The following SDK1 variants were observed in gnomAD, a reference collection of about 807,000 sequenced individuals.
SDK1 encodes sidekick cell adhesion molecule 1.
Under a neutral mutation model 245.5 loss-of-function variants are expected in SDK1, and 157 were observed. The observed-to-expected ratio is 0.64, with a 90% CI of 0.56 to 0.73. SDK1 has a LOEUF of 0.73. SDK1 is among the 30% of genes least tolerant of loss of function. The pLI is 0.00. For missense variants in SDK1, 3,583 were observed against 3,002.3 expected, an observed-to-expected ratio of 1.19 and a Z score of -4.52; for synonymous variants, 1,647 against 1,278.5, an observed-to-expected ratio of 1.29 and a Z score of -6.15.
At chr7:4,240,813 G>T (rs1234857922) in intron 42 of SDK1, among the ~76,000 whole-genome samples, 1 of 152,130 alleles carries the variant, frequency 6.6e-6, no homozygotes, top group African/African-American at 2.4e-5. Context: ...GCTGTGATCT[G>T]CAGGAAGGGG....
chr7:3,357,704 C>G (rs1780842968), intron 1 of SDK1, among the ~76,000 whole-genome samples: 1 of 152,006 alleles, frequency 6.6e-6, no homozygotes, highest in Admixed American at 6.6e-5. Flanking sequence ...CTGTCTAGGC[C>G]CTCACATCCC....
chr7:3,333,540 C>T (rs1780122642), intron 1 of SDK1, among the ~76,000 whole-genome samples: 2 of 152,172 alleles, frequency 1.3e-5, no homozygotes, highest in Non-Finnish European at 1.5e-5. Context: ...CTTTCACACT[C>T]AGCCTGGATT....
chr7:3,744,121 C>T (rs988682657), intron 4 of SDK1, among the ~76,000 whole-genome samples: 6 of 152,088 alleles, frequency 3.9e-5, no homozygotes, highest in Admixed American at 3.9e-4. Context: ...GCTTGCTGTT[C>T]ATCTGCCTTG....
chr7:4,245,835 G>A (rs749801863), intron 44 of SDK1, 30 bp downstream of exon 44: 3 of 1,612,770 alleles, frequency 1.9e-6, no homozygotes. Flanking sequence ...TCCGGGCAGT[G>A]ACCATCAGCC....
intron 14 of SDK1, among the ~76,000 whole-genome samples, chr7:4,001,080 C>T (rs1440570996): frequency 6.6e-6 from 1 of 152,178 alleles, no homozygotes; most frequent in Non-Finnish European, 1.5e-5. Context: ...TCCTCTGGCC[C>T]AGGCTGTCCC....
chr7:4,176,888 C>G (rs1782248048), intron 34 of SDK1, among the ~76,000 whole-genome samples: 1 of 152,212 alleles, frequency 6.6e-6, no homozygotes, highest in Non-Finnish European at 1.5e-5. Context: ...CTCCCTTCAC[C>G]CTTTCAATAA....
At chr7:4,182,724 G>A (rs1432248316) in intron 35 of SDK1, among the ~76,000 whole-genome samples, 2 of 152,198 alleles carry the variant, frequency 1.3e-5, no homozygotes, top group African/African-American at 4.8e-5. Context: ...CTTTCCATGG[G>A]GCTCCTTCCT....
chr7:3,853,698 C>G (rs1050463085), intron 5 of SDK1, among the ~76,000 whole-genome samples: 1 of 152,020 alleles, frequency 6.6e-6, no homozygotes, highest in African/African-American at 2.4e-5. Context: ...GCTCAAAAAG[C>G]TTTGGATTTT....
At chr7:3,873,007 A>G (rs945317606) in intron 5 of SDK1, among the ~76,000 whole-genome samples, 13 of 152,258 alleles carry the variant, frequency 8.5e-5, no homozygotes, top group African/African-American at 2.2e-4. Flanking sequence ...AAATAATTTT[A>G]ATTTACCTTC....
At chr7:4,208,688 C>T (rs902657595) in intron 37 of SDK1, among the ~76,000 whole-genome samples, 3 of 152,308 alleles carry the variant, frequency 2.0e-5, no homozygotes, top group East Asian at 1.9e-4. Flanking sequence ...GTAGGCTCCT[C>T]GGGCAGTAAA....
intron 14 of SDK1, among the ~76,000 whole-genome samples, chr7:3,988,132 G>GTTTTTTTTT (rs71032919): frequency 1.2e-5 from 1 of 85,422 alleles, no homozygotes; most frequent in Non-Finnish European, 2.2e-5. Flanking sequence ...TCTTTTTAAT[G>GTTTTTTTTT]TTTTTTTTTT....
At chr7:4,243,036 G>A (rs1786628896) in intron 43 of SDK1, among the ~76,000 whole-genome samples, 1 of 152,174 alleles carries the variant, frequency 6.6e-6, no homozygotes, top group Non-Finnish European at 1.5e-5. Context: ...CATTTCATTT[G>A]TCTACTGGGA....
At chr7:3,559,125 G>A (rs1214798060) in intron 1 of SDK1, among the ~76,000 whole-genome samples, 20 of 152,150 alleles carry the variant, frequency 1.3e-4, no homozygotes, top group Non-Finnish European at 4.4e-5. Flanking sequence ...CCATTAGTGT[G>A]TAAGTCAGAT....
chr7:4,165,215 C>T (rs573018860), intron 32 of SDK1, among the ~76,000 whole-genome samples: 4 of 152,018 alleles, frequency 2.6e-5, no homozygotes, highest in African/African-American at 9.6e-5. Flanking sequence ...AAAAATTAGC[C>T]GGGCGTGGTG....
At chr7:4,078,515 C>T (rs970774177) in intron 21 of SDK1, among the ~76,000 whole-genome samples, 5 of 152,142 alleles carry the variant, frequency 3.3e-5, no homozygotes, top group African/African-American at 1.2e-4. Context: ...TTCATTGTCC[C>T]TGTGCAAGAC....
chr7:3,399,497 A>G (rs1212165212), intron 1 of SDK1, among the ~76,000 whole-genome samples: 2 of 152,010 alleles, frequency 1.3e-5, no homozygotes, highest in African/African-American at 2.4e-5. Context: ...TGCATGCTTC[A>G]TATTTTGGTT....
intron 14 of SDK1, among the ~76,000 whole-genome samples, chr7:4,001,153 G>A (rs545867479): frequency 2.0e-4 from 31 of 152,286 alleles, no homozygotes; most frequent in African/African-American, 6.5e-4. Flanking sequence ...GGAATACAGC[G>A]TGGCTCCCAT....
Position 4,178,577 on chromosome 7 carries a change from G to T in SDK1, c.5089G>T (p.Gly1697Cys). The change falls in exon 35 of 45, where the codon GGC becomes TGC. Residue 1697 changes from glycine (G) to cysteine (C), a missense_variant. Transcript: ENST00000404826. ...PASAPVEVFV[G>C]EAAPAMAPQN... is the part of the protein sequence containing the mutation. ...CAGCGCGCCCGTGGAGGTCTTTGTC[G>T]GCGAGGCTGGTAAGCTCCGTGCACC... 2.5e-6 allele frequency: 4 copies of T among 1,610,494 alleles called. No homozygotes were observed. Among genetic ancestry groups the T allele is most frequent in the South Asian group, 2.2e-5 (2 of 91,042 alleles).
intron 14 of SDK1, among the ~76,000 whole-genome samples, chr7:3,998,324 A>AT (rs1784831311): frequency 6.6e-6 from 1 of 152,256 alleles, no homozygotes; most frequent in African/African-American, 2.4e-5. Context: ...GGCTGTCTAG[A>AT]GCAGCTGGCT....
Sources: gnomAD v4.1 joint callset for allele counts (sites outside exome capture counted in the v4.1 genomes callset) on GRCh38, gnomAD v4.1.1 for gene constraint, MANE v1.5 for transcripts, NCBI Gene and HGNC (gene_info 2026-07-23, HGNC 2026-07-21) for gene names.